The following ANXA6 variants were observed in gnomAD, a reference collection of about 807,000 sequenced individuals.
ANXA6 encodes 67 kDa calelectrin.
Under a neutral mutation model 95.4 loss-of-function variants are expected in ANXA6, and 71 were observed. The observed-to-expected ratio is 0.74, with a 90% CI of 0.61 to 0.91. The LOEUF (loss-of-function observed/expected upper bound fraction) is 0.91. Ranked by LOEUF, ANXA6 falls within the 40% of genes least tolerant of loss-of-function variation. The pLI, the probability that ANXA6 is intolerant of heterozygous loss-of-function variation, is 0.00. For missense variants in ANXA6, 830 were observed against 876.4 expected (o/e 0.95, Z 0.67); for synonymous variants, 289 against 315.9 (o/e 0.91, Z 0.90).
Position 151,126,395 on chromosome 5 carries a change from G to A in ANXA6, c.1056+7C>T. On this transcript the variant is annotated splice_region_variant and intron_variant, in intron 14 of 25. Coordinates refer to ENST00000354546, the MANE Select transcript of ANXA6 (RefSeq NM_001155.5). ...AGAGGTCAAGCAGGAGGAGGGGAAG[G>A]TCTGACCTCTACTCGGGCCACTGCA... is the stretch of plus-strand genomic sequence containing the variant. 6.2e-7 allele frequency: 1 copy of A among 1,605,386 alleles called. No homozygotes were observed. Among genetic ancestry groups the A allele is most frequent in the Non-Finnish European group, 8.5e-7 (1 of 1,175,662 alleles).
intron 2 of ANXA6, among the ~76,000 whole-genome samples, chr5:151,140,737 A>G (rs2113947316): frequency 6.6e-6 from 1 of 152,032 alleles, no homozygotes; most frequent in East Asian, 1.9e-4. Flanking sequence ...AGCCCCTCAT[A>G]TTTTTATGGC....
chr5:151,117,353 G>A lies in ANXA6; in HGVS notation c.1519-173C>T, dbSNP rs550629402. On this transcript the variant is annotated intron_variant, in intron 19 of 25. Transcript: ENST00000354546. ...GCTGTTGTGGTCATTAACTGAGAAT[G>A]TGTGCAAGACACTTAGCACCAATGC... 9.8e-5 allele frequency among the ~76,000 whole-genome samples: 15 copies of A among 152,318 alleles called. No individual in the cohort carries two copies. In the South Asian group the frequency reaches 3.1e-3, roughly 32 times the overall value.
At chr5:151,132,437 A>G in intron 10 of ANXA6, 39 bp downstream of exon 10, 1 of 1,492,278 alleles carries the variant, frequency 6.7e-7, no homozygotes, top group Non-Finnish European at 9.2e-7. Flanking sequence ...GTGTTCCAGA[A>G]TCCCCTAAAG....
chr5:151,142,065 A>C (rs1765852742), intron 2 of ANXA6, among the ~76,000 whole-genome samples: 1 of 152,226 alleles, frequency 6.6e-6, no homozygotes, highest in South Asian at 2.1e-4. Flanking sequence ...CAAGAACACG[A>C]AACAACTGGG....
intron 18 of ANXA6, 107 bp downstream of exon 18, chr5:151,119,193 A>G (rs2303021): frequency 0.27 from 238,754 of 898,828 alleles, 35,884 homozygotes; most frequent in Admixed American, 0.53. Context: ...TCAAGGACTG[A>G]GGGAAAGGAG....
rs1764523447 is a variant in ANXA6 at position 151,100,757 on chromosome 5, G to A, written c.*691C>T. On this transcript the variant is annotated 3_prime_UTR_variant, in exon 26 of 26. Coordinates refer to ENST00000354546, the MANE Select transcript of ANXA6 (RefSeq NM_001155.5). ...TTTATTTCTTCCTTAGAAATAAAAA[G>A]TGTCAAGGGAATGAATCGGAGGCAT... is the stretch of plus-strand genomic sequence containing the variant. 9.9e-6 allele frequency: 4 copies of A among 404,594 alleles called. No individual in the cohort carries two copies. The highest frequency in any genetic ancestry group is 7.0e-5 in the South Asian group (4 of 57,156). The allele number at this position is 404,594 out of a possible 1,614,324, so 25.1% of individuals were successfully genotyped here.
chr5:151,152,293 G>A (rs1196708843), intron 1 of ANXA6, among the ~76,000 whole-genome samples: 1 of 152,200 alleles, frequency 6.6e-6, no homozygotes, highest in Non-Finnish European at 1.5e-5. Context: ...ACACAGTAAA[G>A]GCTCAATAAA....
At chr5:151,121,810 A>C (rs1765175517) in intron 17 of ANXA6, among the ~76,000 whole-genome samples, 2 of 152,220 alleles carry the variant, frequency 1.3e-5, no homozygotes, top group Non-Finnish European at 2.9e-5. Flanking sequence ...CCTAGGAAGA[A>C]GGAACTCTTT....
At chr5:151,141,433 A>G (rs571723572) in intron 2 of ANXA6, 1 of 839,330 alleles carries the variant, frequency 1.2e-6, no homozygotes, top group Non-Finnish European at 1.4e-6. Context: ...TAAGACAAAA[A>G]TAAGGTAATG....
chr5:151,112,259 A>T (rs1764870765), intron 20 of ANXA6, among the ~76,000 whole-genome samples: 1 of 152,232 alleles, frequency 6.6e-6, no homozygotes, highest in African/African-American at 2.4e-5. Flanking sequence ...GAAGTAAAGT[A>T]TAGCATATTT....
rs775504114 is a variant in ANXA6 at position 151,136,301 on chromosome 5, G to A, written c.444C>T (p.Gly148=). Residue 148 remains glycine, a synonymous_variant, in exon 7 of 26, where the codon GGC becomes GGT. Transcript: ENST00000354546. ...TCTTCTGGAAGTGGCCAGAGGTGTC[G>A]CCGATGATGTCAGCCTCCAGGTCCC... ...YERDLEADII[G]DTSGHFQKML... 2.1e-5 allele frequency: 34 copies of A among 1,613,782 alleles called. No homozygotes were observed. Among genetic ancestry groups the A allele is most frequent in the South Asian group, 7.7e-5 (7 of 91,078 alleles).
At position 151,103,611 on chromosome 5, in the gene ANXA6, A is replaced by G; in HGVS notation, c.1921T>C (p.Phe641Leu). The G allele has an allele frequency of 6.2e-7, 1 of 1,612,304 alleles. No homozygotes were observed. The highest frequency in any genetic ancestry group is 1.3e-5 in the African/African-American group (1 of 75,014). Residue 641 changes from phenylalanine (F) to leucine (L), a missense_variant, in exon 25 of 26, where the codon TTC becomes CTC. Coordinates refer to ENST00000354546, the MANE Select transcript of ANXA6 (RefSeq NM_001155.5). ...EIDLLNIRRE[F>L]IEKYDKSLHQ... ...AGAGACTTGTCATATTTCTCAATGA[A>G]TTCCCTCCGGATGTTGAGCAGGTCA...
intron 8 of ANXA6, 56 bp downstream of exon 8, chr5:151,134,371 T>A: frequency 6.3e-7 from 1 of 1,586,286 alleles, no homozygotes; most frequent in Non-Finnish European, 8.7e-7. Context: ...CCCCAACCTC[T>A]CCCCTCCCAA....
At chr5:151,128,893 A>C (rs1765407296) in intron 12 of ANXA6, among the ~76,000 whole-genome samples, 1 of 151,912 alleles carries the variant, frequency 6.6e-6, no homozygotes, top group Admixed American at 6.6e-5. Context: ...ACTTTGGAGA[A>C]TACAACTTGG....
At chr5:151,134,688 G>T (rs889123451) in intron 7 of ANXA6, among the ~76,000 whole-genome samples, 1 of 152,104 alleles carries the variant, frequency 6.6e-6, no homozygotes. Context: ...TCCCTTCCTC[G>T]TCAGGGCTGG....
At chr5:151,125,007 CCAG>C in intron 14 of ANXA6, among the ~76,000 whole-genome samples, 1 of 152,174 alleles carries the variant, frequency 6.6e-6, no homozygotes, top group African/African-American at 2.4e-5. Context: ...GTTACATATC[CCAG>C]GTGCCTACAA....
chr5:151,129,386 G>A, intron 12 of ANXA6, 21 bp downstream of exon 12: 18 of 1,612,610 alleles, frequency 1.1e-5, no homozygotes, highest in Non-Finnish European at 1.4e-5. Context: ...TCCCTTCTCT[G>A]CCCCCATGAG....
At chr5:151,105,161 C>T in intron 24 of ANXA6, 84 bp downstream of exon 24, 1 of 1,287,634 alleles carries the variant, frequency 7.8e-7, no homozygotes, top group African/African-American at 1.5e-5. Context: ...GAATCCTGAT[C>T]TGGGGGATGG....
intron 1 of ANXA6, among the ~76,000 whole-genome samples, chr5:151,149,432 A>C (rs1766053873): frequency 6.6e-6 from 1 of 152,186 alleles, no homozygotes; most frequent in Non-Finnish European, 1.5e-5. Context: ...TCTTCTTAAG[A>C]GAAGGAGAAG....
Sources: allele counts gnomAD v4.1 joint callset (sites outside exome capture counted in the v4.1 genomes callset), GRCh38; gene constraint gnomAD v4.1.1; transcripts MANE v1.5; gene names NCBI Gene and HGNC (gene_info 2026-07-23, HGNC 2026-07-21).